Variants in ATG10 observed in about 807,000 individuals in gnomAD.
The protein encoded by ATG10 is ubiquitin-like-conjugating enzyme ATG10.
A neutral mutation model predicts 32.1 loss-of-function variants in ATG10; 30 were observed. That is an observed-to-expected ratio of 0.94 (90% confidence interval 0.70 to 1.27). The LOEUF (loss-of-function observed/expected upper bound fraction) is 1.27. Among genes scored for constraint, ATG10 ranks in the 50% most tolerant of loss-of-function variants. The probability of loss-of-function intolerance (pLI) is 0.00; values close to 1 mark genes in which losing one functional copy is unlikely to be tolerated. For missense variants in ATG10, 233 were observed against 262.3 expected, an observed-to-expected ratio of 0.89 and a Z score of 0.77; for synonymous variants, 87 against 91.5, an observed-to-expected ratio of 0.95 and a Z score of 0.28.
chr5:82,044,663 A>G (rs748023821), intron 2 of ATG10, among the ~76,000 whole-genome samples: 1 of 152,186 alleles, frequency 6.6e-6, no homozygotes, highest in Non-Finnish European at 1.5e-5. Context: ...CGTTTAGACT[A>G]GGTCTGATTT....
intron 2 of ATG10, among the ~76,000 whole-genome samples, chr5:82,027,358 C>T (rs754177413): frequency 3.3e-5 from 5 of 151,786 alleles, no homozygotes; most frequent in Admixed American, 6.6e-5. Context: ...ATGATTGCGC[C>T]GCTGCACTCT....
rs1396177463 is a variant in ATG10, at chr5:82,204,911, T to TCCCC, written c.453+26324_453+26325insCCCC. Among the ~76,000 whole-genome samples, 809 of 152,212 alleles carry TCCCC rather than the reference T, an allele frequency of 5.3e-3. 11 individuals are homozygous for TCCCC. The highest frequency in any genetic ancestry group is 0.018 in the African/African-American group (765 of 41,522). Reference sequence around the variant, plus strand: ...GGACGTTATCAGCAATAAATGGTAATTGAAGCCATGAGAATAGATAAGGTC... The same window carrying TCCCC: ...GGACGTTATCAGCAATAAATGGTAATCCCCTGAAGCCATGAGAATAGATAAGGTC... On this transcript the variant is annotated intron_variant, in intron 5 of 7. Transcript: ENST00000282185.
At chr5:82,197,732 A>G (rs914400180) in intron 5 of ATG10, among the ~76,000 whole-genome samples, 3 of 130,260 alleles carry the variant, frequency 2.3e-5, no homozygotes, top group African/African-American at 6.3e-5. Context: ...CTATCTATCT[A>G]TCTATCTATC....
Position 82,098,343 on chromosome 5 carries a change from G to A in ATG10, c.216+39741G>A, listed in dbSNP as rs1280494938. On this transcript the variant is annotated intron_variant, in intron 3 of 7. Transcript: ENST00000282185. ...TTTTTTTTTTTTGAGACTGAGTCTC[G>A]CTCTGTCACTCAGGCTGGGGTACAG... Among the ~76,000 whole-genome samples the A allele has an allele frequency of 1.9e-4, 24 of 123,844 alleles. No homozygotes were observed. In the East Asian group the frequency reaches 2.2e-3, roughly 12 times the overall value. The allele number at this position is 123,844 out of a possible 152,430, so 81.2% of individuals were successfully genotyped here.
intron 3 of ATG10, among the ~76,000 whole-genome samples, chr5:82,078,029 CTT>C (rs1371063224): frequency 1.3e-5 from 2 of 152,130 alleles, no homozygotes; most frequent in African/African-American, 4.8e-5. Context: ...GACTTTCTAA[CTT>C]AAGTGTAATA....
At chr5:82,186,043 C>T (rs1198356425) in intron 5 of ATG10, among the ~76,000 whole-genome samples, 2 of 152,080 alleles carry the variant, frequency 1.3e-5, no homozygotes, top group Non-Finnish European at 2.9e-5. Flanking sequence ...ATTTAGTGCA[C>T]CTGGTAGTAT....
intron 2 of ATG10, among the ~76,000 whole-genome samples, chr5:81,997,661 T>C (rs757113606): frequency 3.9e-5 from 6 of 152,124 alleles, no homozygotes; most frequent in Non-Finnish European, 8.8e-5. Context: ...CAGGAGGTGA[T>C]AGAAGAAATG....
At chr5:82,129,545 G>A (rs971064117) in intron 3 of ATG10, among the ~76,000 whole-genome samples, 1 of 152,034 alleles carries the variant, frequency 6.6e-6, no homozygotes, top group Non-Finnish European at 1.5e-5. Flanking sequence ...CAATCTTTTT[G>A]TTGATGTTGA....
At chr5:82,109,970 C>T (rs1765566078) in intron 3 of ATG10, among the ~76,000 whole-genome samples, 1 of 138,618 alleles carries the variant, frequency 7.2e-6, no homozygotes, top group Admixed American at 7.6e-5. Flanking sequence ...CCACAATGGG[C>T]CCTGGTGTGT....
intron 2 of ATG10, among the ~76,000 whole-genome samples, chr5:82,023,408 G>A (rs1367151950): frequency 2.0e-5 from 3 of 152,130 alleles, no homozygotes; most frequent in South Asian, 2.1e-4. Flanking sequence ...GTCTTTAACA[G>A]ATGCTGTAGA....
At chr5:82,028,986 C>G (rs901577515) in intron 2 of ATG10, among the ~76,000 whole-genome samples, 4 of 152,042 alleles carry the variant, frequency 2.6e-5, no homozygotes, top group African/African-American at 7.2e-5. Context: ...ATTATTAAGA[C>G]AAGTAGAGCA....
intron 2 of ATG10, among the ~76,000 whole-genome samples, chr5:82,043,996 C>T (rs1323656116): frequency 6.6e-6 from 1 of 152,048 alleles, no homozygotes; most frequent in Non-Finnish European, 1.5e-5. Flanking sequence ...TTTCAGATAT[C>T]TTTATAGCAG....
chr5:82,044,735 GT>G (rs1763186995), intron 2 of ATG10, among the ~76,000 whole-genome samples: 1 of 152,060 alleles, frequency 6.6e-6, no homozygotes, highest in African/African-American at 2.4e-5. Context: ...TGTTAGGATG[GT>G]TTTCTATTCT....
At chr5:82,186,608 T>C (rs998549533) in intron 5 of ATG10, among the ~76,000 whole-genome samples, 1 of 151,418 alleles carries the variant, frequency 6.6e-6, no homozygotes, top group Non-Finnish European at 1.5e-5. Flanking sequence ...TTTTTTTTTT[T>C]TTTCAGACAG....
chr5:82,125,230 G>C (rs1766217156), intron 3 of ATG10, among the ~76,000 whole-genome samples: 1 of 152,124 alleles, frequency 6.6e-6, no homozygotes, highest in South Asian at 2.1e-4. Context: ...CTCCCATTCT[G>C]TAGGTTGCCT....
chr5:81,975,308 A>C (rs1297829624), intron 1 of ATG10, among the ~76,000 whole-genome samples: 1 of 152,212 alleles, frequency 6.6e-6, no homozygotes, highest in East Asian at 1.9e-4. Context: ...TTTGAGAAGA[A>C]TGTGTATTCT....
intron 3 of ATG10, among the ~76,000 whole-genome samples, chr5:82,155,396 G>C (rs893023248): frequency 1.3e-5 from 2 of 152,112 alleles, no homozygotes; most frequent in Non-Finnish European, 2.9e-5. Flanking sequence ...AATTAAAGAA[G>C]GCCTTAAAAT....
At chr5:82,144,334 C>G (rs1462787069) in intron 3 of ATG10, among the ~76,000 whole-genome samples, 1 of 151,280 alleles carries the variant, frequency 6.6e-6, no homozygotes, top group Non-Finnish European at 1.5e-5. Flanking sequence ...TGATTTTGTG[C>G]TTATCTTTGT....
intron 5 of ATG10, among the ~76,000 whole-genome samples, chr5:82,207,212 G>A (rs778751386): frequency 3.2e-4 from 48 of 152,160 alleles, no homozygotes; most frequent in African/African-American, 4.8e-4. Flanking sequence ...GCATATATAT[G>A]TTTAACTTTA....
Sources: allele counts gnomAD v4.1 joint callset (sites outside exome capture counted in the v4.1 genomes callset), GRCh38; gene constraint gnomAD v4.1.1; transcripts MANE v1.5; gene names NCBI Gene and HGNC (gene_info 2026-07-23, HGNC 2026-07-21).